TIMM44: variants seen among roughly 807,000 people sequenced by gnomAD.
The protein encoded by TIMM44 is mitochondrial import inner membrane translocase subunit TIM44.
TIMM44 carries 37 observed loss-of-function variants against 63.8 expected under a neutral mutation model. The observed-to-expected ratio is 0.58, with a 90% CI of 0.45 to 0.76. The LOEUF is 0.76. Ranked by LOEUF, TIMM44 falls within the 30% of genes least tolerant of loss-of-function variation. The pLI, the probability that TIMM44 is intolerant of heterozygous loss-of-function variation, is 0.00. For missense variants in TIMM44, 573 were observed against 603.8 expected (o/e 0.95, Z 0.54); for synonymous variants, 239 against 245.1 (o/e 0.98, Z 0.23).
In TIMM44 at chr19:7,933,330, C is replaced by T. The variant is rs1274343143; in HGVS notation, c.769+155G>A. ...CTGGCGGCAGAATCTACAGCCCCAC[C>T]ATCATGTGACCGCAAAGAAGTGACC... On this transcript the variant is annotated intron_variant, in intron 7 of 12. Coordinates refer to ENST00000270538, the MANE Select transcript of TIMM44 (RefSeq NM_006351.4). The surrounding 1 kb of genome is among the most constrained non-coding windows in gnomAD (Gnocchi z 4.3). Among the ~76,000 whole-genome samples, 3 of 152,158 alleles carry T rather than the reference C, an allele frequency of 2.0e-5. No individual in the cohort carries two copies. The highest frequency in any genetic ancestry group is 4.4e-5 in the Non-Finnish European group (3 of 68,020).
In TIMM44 at chr19:7,926,802, G is replaced by A; in HGVS notation, c.*385C>T. On this transcript the variant is annotated 3_prime_UTR_variant, in exon 13 of 13. Coordinates refer to ENST00000270538, the MANE Select transcript of TIMM44 (RefSeq NM_006351.4). ...AAGAGCACTGTTAAAATTAAAAAATGGACCTAAAGTGGCTTGGCTGACGTG... is the reference window on the plus strand; with the variant it reads ...AAGAGCACTGTTAAAATTAAAAAATAGACCTAAAGTGGCTTGGCTGACGTG... 1 of 304,652 alleles carries A rather than the reference G, an allele frequency of 3.3e-6. No homozygotes were observed. Among genetic ancestry groups the A allele is most frequent in the East Asian group, 8.1e-5 (1 of 12,276 alleles). The allele number at this position is 304,652 out of a possible 1,614,324, so 18.9% of individuals were successfully genotyped here. A position where few individuals can be genotyped will look rare whatever the true frequency, so the allele number is the denominator to read the frequency against.
chr19:7,926,834 G>A lies in TIMM44; in HGVS notation c.*353C>T, dbSNP rs990805985. 22 of 345,884 alleles carry A rather than the reference G, an allele frequency of 6.4e-5. 1 individual carries two copies. Among genetic ancestry groups the A allele is most frequent in the African/African-American group, 3.2e-4 (15 of 47,436 alleles). 21.4% of individuals were successfully genotyped at this position (345,884 alleles called of 1,614,324 possible). ...AAGTGGCTTGGCTGACGTGGCTAGC[G>A]GGCCACTGAGCCGCGGGTCCCGGGT... On this transcript the variant is annotated 3_prime_UTR_variant, in exon 13 of 13. Coordinates refer to ENST00000270538, the MANE Select transcript of TIMM44 (RefSeq NM_006351.4).
chr19:7,935,167 C>CTTTTTTTTTTTTT, intron 3 of TIMM44, 22 bp from the exon 4 acceptor site: 1 of 1,254,056 alleles, frequency 8.0e-7, no homozygotes, highest in South Asian at 1.4e-5. Context: ...GCGCTGTGTC[C>CTTTTTTTTTTTTT]TTTTTTTTTT....
chr19:7,937,978 A>G (rs1287165696), intron 3 of TIMM44, 49 bp downstream of exon 3: 1 of 1,609,978 alleles, frequency 6.2e-7, no homozygotes, highest in East Asian at 2.2e-5. Flanking sequence ...AGATCGCACC[A>G]CTACTCTCCA....
rs1406662990 is a variant in TIMM44, at chr19:7,933,138, C to T, written c.770-206G>A. 6.6e-6 allele frequency among the ~76,000 whole-genome samples: 1 copy of T among 152,170 alleles called. No homozygotes were observed. The highest frequency in any genetic ancestry group is 1.5e-5 in the Non-Finnish European group (1 of 68,020). On this transcript the variant is annotated intron_variant, in intron 7 of 12. Coordinates refer to ENST00000270538, the MANE Select transcript of TIMM44 (RefSeq NM_006351.4). This position sits in a 1 kb window ranked among gnomAD's most constrained non-coding sequence, Gnocchi z 4.3. ...TACCTGGCCAGGCGCAGAGGCCCCTCAGCTGCGGCCCTAATGGGGCTGTGT... is the reference window on the plus strand; with the variant it reads ...TACCTGGCCAGGCGCAGAGGCCCCTTAGCTGCGGCCCTAATGGGGCTGTGT...
At chr19:7,927,931 C>A in intron 11 of TIMM44, 146 bp downstream of exon 11, 1 of 1,085,724 alleles carries the variant, frequency 9.2e-7, no homozygotes, top group African/African-American at 1.6e-5. Context: ...ACCAGGCCTC[C>A]CTCGAGACCC....
intron 9 of TIMM44, 99 bp downstream of exon 9, chr19:7,932,528 C>G: frequency 1.3e-6 from 2 of 1,540,286 alleles, no homozygotes; most frequent in South Asian, 2.3e-5. Flanking sequence ...GCCTCGGCAG[C>G]AGAGTTCCCT....
chr19:7,936,098 T>G (rs1984147559), intron 3 of TIMM44, among the ~76,000 whole-genome samples: 2 of 152,094 alleles, frequency 1.3e-5, no homozygotes, highest in Non-Finnish European at 1.5e-5. Flanking sequence ...AAAACTGCAG[T>G]GAGCTGTGAT....
In TIMM44 at chr19:7,933,803, A is replaced by T; in HGVS notation, c.683+61T>A. On this transcript the variant is annotated intron_variant, in intron 6 of 12. Coordinates refer to ENST00000270538, the MANE Select transcript of TIMM44 (RefSeq NM_006351.4). The surrounding 1 kb of genome is among the most constrained non-coding windows in gnomAD (Gnocchi z 4.3). The stretch of plus-strand genomic sequence containing the variant: ...GAGGGAACCATTGGTGGGCTCCCGA[A>T]ATGGACAGCAGTGAAAGCTGCCCAA... The T allele has an allele frequency of 6.2e-7, 1 of 1,609,796 alleles. No homozygotes were observed.
chr19:7,927,965 T>G (rs969542639), intron 11 of TIMM44, 112 bp downstream of exon 11: 32 of 1,217,754 alleles, frequency 2.6e-5, no homozygotes, highest in Non-Finnish European at 3.5e-5. Context: ...GCCCAAGACC[T>G]CTTGGATCAG....
chr19:7,937,169 T>G (rs1984179742), intron 3 of TIMM44, among the ~76,000 whole-genome samples: 1 of 150,924 alleles, frequency 6.6e-6, no homozygotes, highest in East Asian at 1.9e-4. Flanking sequence ...ATCCCAGCTA[T>G]CCGGGAGGCT....
rs781042031 is a variant in TIMM44 at position 7,933,914 on chromosome 19, C to T, written c.633G>A (p.Thr211=). 24 of 1,614,070 alleles carry T rather than the reference C, an allele frequency of 1.5e-5. No homozygotes were observed. Among genetic ancestry groups the T allele is most frequent in the East Asian group, 4.5e-5 (2 of 44,878 alleles). The change falls in exon 6 of 13, where the codon ACG becomes ACA. Residue 211 remains threonine (T), a synonymous_variant. Transcript: ENST00000270538. This position sits in a 1 kb window ranked among gnomAD's most constrained non-coding sequence, Gnocchi z 4.3. The stretch of plus-strand genomic sequence containing the variant: ...CCTTGAACTTATCTCCCGCAAACTC[C>T]GTTCTCTTCCGGAGTCGCTGGGGCC... The part of the protein sequence containing the change: ...YRRPQRLRKR[T]EFAGDKFKEE...
Position 7,926,982 on chromosome 19 carries a change from C to T in TIMM44, c.*205G>A. The T allele has an allele frequency of 1.5e-6, 1 of 683,240 alleles. No homozygotes were observed. Among genetic ancestry groups the T allele is most frequent in the South Asian group, 1.7e-5 (1 of 57,518 alleles). 42.3% of individuals were successfully genotyped at this position (683,240 alleles called of 1,614,324 possible). A position where few individuals can be genotyped will look rare whatever the true frequency, so the allele number is the denominator to read the frequency against. The stretch of plus-strand genomic sequence containing the variant: ...GGCAGAGCAACAGGGCAGGGGTTGG[C>T]CCTGCGGGGGAGTGTCTCCAGCTGC... On this transcript the variant is annotated 3_prime_UTR_variant, in exon 13 of 13. Transcript: ENST00000270538.
chr19:7,928,108 T>A lies in TIMM44; in HGVS notation c.1097A>T (p.His366Leu). ...GTTGTCAATGTCTAGGATGCGAGAA[T>A]GGAACTGGAGACCCAGTGCCTTGGC... ...QQAKALGLQF[H>L]SRILDIDNVD... The change falls in exon 11 of 13, where the codon CAT becomes CTT. Residue 366 changes from histidine to leucine, a missense_variant. Physicochemically the swap from His to Leu is moderately conservative, Grantham distance 99. Coordinates refer to ENST00000270538, the MANE Select transcript of TIMM44 (RefSeq NM_006351.4). 1 of 1,614,060 alleles carries A rather than the reference T, an allele frequency of 6.2e-7. No individual in the cohort carries two copies.
Position 7,941,093 on chromosome 19 carries a change from G to T in TIMM44, c.141+9C>A, listed in dbSNP as rs754804022. On this transcript the variant is annotated intron_variant, in intron 2 of 12. Transcript: ENST00000270538. The stretch of plus-strand genomic sequence containing the variant: ...GTGTCTGCTGGCCCGAGCATCCTGA[G>T]TCACTCACCAGTGGCAGCTCTCCGC... The T allele has an allele frequency of 1.2e-6, 2 of 1,612,272 alleles. No individual in the cohort carries two copies. The highest frequency in any genetic ancestry group is 3.3e-5 in the Admixed American group (2 of 59,976).
Position 7,935,140 on chromosome 19 carries a change from G to GGTTTTCTAGGTAAAGAGCGCTGTGTC in TIMM44, c.313-21_317dup (p.Ile107ThrfsTer28). ...TCGTCCGCACGGTTTCTGACTCGAT[G>GGTTTTCTAGGTAAAGAGCGCTGTGTC]GTTTTCTAGGTAAAGAGCGCTGTGT... On this transcript the variant is annotated frameshift_variant, in exon 4 of 13. Coordinates refer to ENST00000270538, the MANE Select transcript of TIMM44 (RefSeq NM_006351.4). LOFTEE classifies it high-confidence loss of function. 1 of 1,596,700 alleles carries GGTTTTCTAGGTAAAGAGCGCTGTGTC rather than the reference G, an allele frequency of 6.3e-7. No individual in the cohort carries two copies. Among genetic ancestry groups the GGTTTTCTAGGTAAAGAGCGCTGTGTC allele is most frequent in the South Asian group, 1.1e-5 (1 of 90,728 alleles).
intron 9 of TIMM44, 144 bp downstream of exon 9, chr19:7,932,478 CGGGCA>C (rs1332123844): frequency 8.9e-7 from 1 of 1,126,920 alleles, no homozygotes; most frequent in Non-Finnish European, 1.3e-6. Context: ...CAGCTGCAGC[CGGGCA>C]GGAGCCCGTG....
Position 7,928,131 on chromosome 19 carries a change from G to C in TIMM44, c.1074C>G (p.Ala358=), listed in dbSNP as rs1452460928. ...AATGGAACTGGAGACCCAGTGCCTT[G>C]GCCTGCTGGATGGGGTGGGCCAGCT... ...YSQLAHPIQQ[A]KALGLQFHSR... The change falls in exon 11 of 13, where the codon GCC becomes GCG. Residue 358 remains alanine, a synonymous_variant. Coordinates refer to ENST00000270538, the MANE Select transcript of TIMM44 (RefSeq NM_006351.4). 3 of 1,613,876 alleles carry C rather than the reference G, an allele frequency of 1.9e-6. No homozygotes were observed. Among genetic ancestry groups the C allele is most frequent in the Admixed American group, 3.3e-5 (2 of 60,006 alleles).
intron 2 of TIMM44, 135 bp downstream of exon 2, chr19:7,940,967 A>G: frequency 4.2e-6 from 3 of 720,642 alleles, no homozygotes; most frequent in South Asian, 2.9e-5. Context: ...TCATTCTGAA[A>G]GCCCCGGACA....
Sources: allele counts gnomAD v4.1 joint callset (sites outside exome capture counted in the v4.1 genomes callset), GRCh38; gene constraint gnomAD v4.1.1; non-coding constraint Gnocchi (gnomAD v3.1); transcripts MANE v1.5; gene names NCBI Gene and HGNC (gene_info 2026-07-23, HGNC 2026-07-21).